The following SNX30 variants were observed in gnomAD, a reference collection of about 807,000 sequenced individuals.
The protein encoded by SNX30 is sorting nexin family member 30.
Under a neutral mutation model 46.4 loss-of-function variants are expected in SNX30, and 24 were observed. The observed-to-expected ratio is 0.52, with a 90% CI of 0.37 to 0.73. The LOEUF (loss-of-function observed/expected upper bound fraction) is 0.73. SNX30 is among the 30% of genes least tolerant of loss of function. SNX30 has a pLI of 0.00. For synonymous variants in SNX30, 189 were observed against 211.5 expected (o/e 0.89, Z 0.92); for missense variants, 533 against 555.7 (o/e 0.96, Z 0.41).
intron 7 of SNX30, among the ~76,000 whole-genome samples, chr9:112,858,425 G>T (rs983882919): frequency 6.6e-6 from 1 of 152,164 alleles, no homozygotes; most frequent in Admixed American, 6.5e-5. Context: ...TGAGGCAGGA[G>T]GATCGCTTGA....
rs138343671 is a variant in SNX30 at position 112,758,944 on chromosome 9, AAC to A, written c.156+7798_156+7799del. Among the ~76,000 whole-genome samples the A allele has an allele frequency of 1.5e-3, 226 of 152,086 alleles. 1 individual carries two copies. The highest frequency in any genetic ancestry group is 5.0e-3 in the African/African-American group (209 of 41,482). On this transcript the variant is annotated intron_variant, in intron 1 of 8. Coordinates refer to ENST00000374232, the MANE Select transcript of SNX30 (RefSeq NM_001012994.2). ...ATATAGTGAGAACTTGTCTCTATTA[AAC>A]ACACACACACGCGCGCACGTGCACA...
intron 8 of SNX30, among the ~76,000 whole-genome samples, chr9:112,864,997 A>C (rs1291271558): frequency 1.2e-5 from 1 of 82,490 alleles, no homozygotes; most frequent in Non-Finnish European, 2.9e-5. Flanking sequence ...GTGCACACAC[A>C]CACACACCCA....
intron 1 of SNX30, among the ~76,000 whole-genome samples, chr9:112,768,651 T>TCC (rs11381361): frequency 1.1e-5 from 1 of 94,684 alleles, no homozygotes; most frequent in Admixed American, 1.3e-4. Flanking sequence ...TTTCTTCTTT[T>TCC]TTTTTTTTTT....
At chr9:112,758,642 C>T (rs534792721) in intron 1 of SNX30, among the ~76,000 whole-genome samples, 91 of 152,120 alleles carry the variant, frequency 6.0e-4, no homozygotes, top group Admixed American at 1.8e-3. Context: ...GCGATCTGCC[C>T]GCATCAGCCT....
intron 1 of SNX30, among the ~76,000 whole-genome samples, chr9:112,775,542 T>TTGTGTGTGTGTGTGTGTGTGTGTG (rs199600863): frequency 3.0e-5 from 4 of 131,336 alleles, no homozygotes; most frequent in South Asian, 5.4e-4. Flanking sequence ...TATTTTAAAT[T>TTGTGTGTGTGTGTGTGTGTGTGTG]TGTGTGTGTG....
Position 112,836,359 on chromosome 9 carries a change from A to C in SNX30, c.764A>C (p.Lys255Thr), listed in dbSNP as rs778259426. Residue 255 changes from lysine (K) to threonine (T), a missense_variant, in exon 5 of 9, where the codon AAA becomes ACA. Transcript: ENST00000374232. ...IGDYLDTFAL[K>T]LGTIDRIAQR... Reference sequence around the variant, plus strand: ...GACTACTTAGATACATTTGCACTCAAACTGGGAACCATTGATCGAATAGCC... The same window carrying C: ...GACTACTTAGATACATTTGCACTCACACTGGGAACCATTGATCGAATAGCC... 2 of 1,609,248 alleles carry C rather than the reference A, an allele frequency of 1.2e-6. No individual in the cohort carries two copies. The highest frequency in any genetic ancestry group is 2.2e-5 in the South Asian group (2 of 90,984).
intron 1 of SNX30, among the ~76,000 whole-genome samples, chr9:112,757,295 C>T (rs1308043558): frequency 6.6e-6 from 1 of 152,214 alleles, no homozygotes; most frequent in East Asian, 1.9e-4. Flanking sequence ...TTCCTTCAGG[C>T]TCATTCACGT....
intron 1 of SNX30, among the ~76,000 whole-genome samples, chr9:112,781,328 A>C (rs914839974): frequency 2.6e-5 from 4 of 152,192 alleles, no homozygotes; most frequent in African/African-American, 9.7e-5. Flanking sequence ...AAAACCCTTA[A>C]TATGTTAAAG....
At chr9:112,772,093 A>G (rs1468872365) in intron 1 of SNX30, among the ~76,000 whole-genome samples, 2 of 152,164 alleles carry the variant, frequency 1.3e-5, no homozygotes, top group Non-Finnish European at 2.9e-5. Flanking sequence ...TGCCTAGAAC[A>G]TTGCCAGTCT....
At chr9:112,758,862 C>G (rs1235709021) in intron 1 of SNX30, among the ~76,000 whole-genome samples, 1 of 152,014 alleles carries the variant, frequency 6.6e-6, no homozygotes, top group Non-Finnish European at 1.5e-5. Flanking sequence ...CACACACACA[C>G]ACACACACAT....
chr9:112,836,419 C>T lies in SNX30; in HGVS notation c.814+10C>T, dbSNP rs1378263207. On this transcript the variant is annotated intron_variant, in intron 5 of 8. Transcript: ENST00000374232. Reference sequence around the variant, plus strand: ...ATCAAAGAAGAAATAGGTGAGCTGTCTGTTGAGGTCTCGATTATGCCCTGC... The same window carrying T: ...ATCAAAGAAGAAATAGGTGAGCTGTTTGTTGAGGTCTCGATTATGCCCTGC... The T allele has an allele frequency of 1.3e-6, 2 of 1,583,980 alleles. No homozygotes were observed. Among genetic ancestry groups the T allele is most frequent in the East Asian group, 2.3e-5 (1 of 43,996 alleles).
At chr9:112,875,235 G>A (rs1410763431), downstream of SNX30, 9 of 152,162 alleles carry the variant, frequency 5.9e-5, no homozygotes, top group Non-Finnish European at 4.4e-5. Context: ...GGGAGATGAA[G>A]AAACTTCCTA....
chr9:112,750,962 A>T lies in SNX30; in HGVS notation c.-40A>T, dbSNP rs2131339073. On this transcript the variant is annotated 5_prime_UTR_variant, in exon 1 of 9. Transcript: ENST00000374232. ...CGGGGAGCTCGCCGCGGCGGGCAGC[A>T]GGAGGAAGCGGCGGCGGCGCGTCCC... is the stretch of plus-strand genomic sequence containing the variant. 8.3e-7 allele frequency: 1 copy of T among 1,206,476 alleles called. No homozygotes were observed. Among genetic ancestry groups the T allele is most frequent in the East Asian group, 3.5e-5 (1 of 28,912 alleles). The allele number at this position is 1,206,476 out of a possible 1,614,324, so 74.7% of individuals were successfully genotyped here.
chr9:112,785,007 A>C (rs1407722915), intron 1 of SNX30, among the ~76,000 whole-genome samples: 1 of 152,192 alleles, frequency 6.6e-6, no homozygotes, highest in Non-Finnish European at 1.5e-5. Flanking sequence ...CATATCTTCT[A>C]ATACGTGGTT....
In SNX30 at chr9:112,872,244, A is replaced by G. The variant is rs1841457555; in HGVS notation, c.*3401A>G. ...TGAGGCTGCCTTTTGTGATCAAATA[A>G]CAGGAAGTTCTGCTTTAGAGGAGGG... On this transcript the variant is annotated 3_prime_UTR_variant, in exon 9 of 9. Coordinates refer to ENST00000374232, the MANE Select transcript of SNX30 (RefSeq NM_001012994.2). 1 of 152,234 alleles carries G rather than the reference A, an allele frequency of 6.6e-6. No individual in the cohort carries two copies. The highest frequency in any genetic ancestry group is 1.5e-5 in the Non-Finnish European group (1 of 68,054). The allele number at this position is 152,234 out of a possible 1,614,324, so 9.4% of individuals were successfully genotyped here. A position where few individuals can be genotyped will look rare whatever the true frequency, so the allele number is the denominator to read the frequency against.
chr9:112,807,734 A>G (rs942057366), intron 2 of SNX30, among the ~76,000 whole-genome samples: 15 of 152,258 alleles, frequency 9.9e-5, no homozygotes, highest in African/African-American at 3.4e-4. Context: ...CCAAAATGCA[A>G]ATACTACAGG....
At chr9:112,766,347 C>T (rs548178679) in intron 1 of SNX30, among the ~76,000 whole-genome samples, 1 of 145,624 alleles carries the variant, frequency 6.9e-6, no homozygotes, top group Non-Finnish European at 1.5e-5. Flanking sequence ...TTCCTAAGCA[C>T]ATGTACTTTT....
At chr9:112,852,645 G>A (rs10817397) in intron 7 of SNX30, among the ~76,000 whole-genome samples, 121,600 of 152,150 alleles carry the variant, frequency 0.8, 48,789 homozygotes, top group South Asian at 0.87. Context: ...CTGTCACACA[G>A]CTAGCACTGG....
chr9:112,809,371 C>T (rs1023033660), intron 2 of SNX30, among the ~76,000 whole-genome samples: 2 of 151,966 alleles, frequency 1.3e-5, no homozygotes, highest in South Asian at 2.1e-4. Flanking sequence ...TGAGCCACTG[C>T]GCCTGGCCCA....
Sources: gnomAD v4.1 joint callset for allele counts (sites outside exome capture counted in the v4.1 genomes callset) on GRCh38, gnomAD v4.1.1 for gene constraint, MANE v1.5 for transcripts, NCBI Gene and HGNC (gene_info 2026-07-23, HGNC 2026-07-21) for gene names.